Variants in DLGAP2 observed in about 807,000 individuals in gnomAD.
DLGAP2 encodes the protein DLG associated protein 2.
DLGAP2 carries 26 observed loss-of-function variants against 100.3 expected under a neutral mutation model. The observed-to-expected ratio is 0.26, with a 90% CI of 0.19 to 0.36. The LOEUF is 0.36. Among genes scored for constraint, DLGAP2 ranks in the 10% least tolerant of loss-of-function variants. DLGAP2 has a pLI of 1.00. For synonymous variants in DLGAP2, 886 were observed against 630.1 expected, an observed-to-expected ratio of 1.41 and a Z score of -6.08; for missense variants, 1,858 against 1,453.2, an observed-to-expected ratio of 1.28 and a Z score of -4.53.
chr8:814,637 G>T (rs1796429891), intron 1 of DLGAP2, among the ~76,000 whole-genome samples: 1 of 151,822 alleles, frequency 6.6e-6, no homozygotes, highest in African/African-American at 2.4e-5. Flanking sequence ...CACGAGGTCA[G>T]GAGATTGAGA....
chr8:930,605 G>A (rs566135292), intron 2 of DLGAP2, among the ~76,000 whole-genome samples: 1 of 152,242 alleles, frequency 6.6e-6, no homozygotes, highest in Non-Finnish European at 1.5e-5. Context: ...GATGCAGAGA[G>A]GGCAGGTGCG....
chr8:849,008 G>A (rs2128987230), intron 1 of DLGAP2, among the ~76,000 whole-genome samples: 1 of 152,132 alleles, frequency 6.6e-6, no homozygotes, highest in South Asian at 2.1e-4. Context: ...ATCGTGAGGT[G>A]CCTGTTCCAG....
chr8:1,007,977 G>A (rs1430141830), intron 2 of DLGAP2, among the ~76,000 whole-genome samples: 1 of 152,166 alleles, frequency 6.6e-6, no homozygotes, highest in Non-Finnish European at 1.5e-5. Context: ...TAAAGAAGGG[G>A]ATGTGTTCTT....
At chr8:1,630,365 G>C (rs577184317) in intron 7 of DLGAP2, among the ~76,000 whole-genome samples, 1 of 152,132 alleles carries the variant, frequency 6.6e-6, no homozygotes, top group Non-Finnish European at 1.5e-5. Context: ...ACACTTAGGG[G>C]CTCTGGAGAG....
chr8:999,176 C>A (rs1020929577), intron 2 of DLGAP2, among the ~76,000 whole-genome samples: 1 of 151,856 alleles, frequency 6.6e-6, no homozygotes, highest in Non-Finnish European at 1.5e-5. Flanking sequence ...GTGCACCTGT[C>A]CAGTCCCCTC....
At chr8:1,321,553 T>C (rs945764700) in intron 3 of DLGAP2, among the ~76,000 whole-genome samples, 2 of 152,280 alleles carry the variant, frequency 1.3e-5, no homozygotes, top group African/African-American at 4.8e-5. Context: ...TTCTAAGTCC[T>C]GAGCTGACTT....
intron 8 of DLGAP2, among the ~76,000 whole-genome samples, chr8:1,647,279 G>A (rs1478502657): frequency 6.6e-6 from 1 of 151,914 alleles, no homozygotes; most frequent in Admixed American, 6.6e-5. Flanking sequence ...GGGATAAAAA[G>A]TGTGTCTTTA....
At chr8:1,379,408 A>T (rs1186095550) in intron 3 of DLGAP2, among the ~76,000 whole-genome samples, 1 of 152,220 alleles carries the variant, frequency 6.6e-6, no homozygotes, top group Non-Finnish European at 1.5e-5. Context: ...AGGTGGAGAA[A>T]CGGGCAGGGA....
At chr8:1,676,141 G>A (rs957905537) in intron 10 of DLGAP2, among the ~76,000 whole-genome samples, 9 of 152,046 alleles carry the variant, frequency 5.9e-5, no homozygotes, top group African/African-American at 1.9e-4. Context: ...CTTTTAAATC[G>A]CTTATTTGTT....
At chr8:1,287,492 G>GTA (rs1799954973) in intron 3 of DLGAP2, among the ~76,000 whole-genome samples, 1 of 42,690 alleles carries the variant, frequency 2.3e-5, no homozygotes, top group Non-Finnish European at 4.1e-5. Flanking sequence ...GTGTGTGTGT[G>GTA]TGTGGTTCTG....
intron 2 of DLGAP2, among the ~76,000 whole-genome samples, chr8:1,172,646 G>A (rs1200743307): frequency 3.3e-5 from 5 of 151,644 alleles, no homozygotes; most frequent in South Asian, 2.1e-4. Context: ...ATCTTCCATC[G>A]CTGATACCCT....
In DLGAP2 at chr8:849,897, C is replaced by G. The variant is rs576446559; in HGVS notation, c.19-58015C>G. Among the ~76,000 whole-genome samples the G allele has an allele frequency of 8.5e-5, 13 of 152,202 alleles. No homozygotes were observed. The South Asian group carries it at 1.2e-3, about 15-fold the overall frequency. On this transcript the variant is annotated intron_variant, in intron 1 of 14. Coordinates refer to ENST00000637795, the MANE Select transcript of DLGAP2 (RefSeq NM_001346810.2). ...TGGCCAACATGGTGAAACCCCATCT[C>G]TACTAAAAATACAAACATTAGCTGG...
At chr8:1,429,814 T>G (rs945179891) in intron 3 of DLGAP2, among the ~76,000 whole-genome samples, 2 of 150,908 alleles carry the variant, frequency 1.3e-5, no homozygotes, top group East Asian at 3.9e-4. Flanking sequence ...GCAGGGTTTT[T>G]CTGTCCTTAA....
chr8:1,188,481 G>A (rs1000930488), intron 2 of DLGAP2, among the ~76,000 whole-genome samples: 1 of 133,844 alleles, frequency 7.5e-6, no homozygotes, highest in Non-Finnish European at 1.5e-5. Flanking sequence ...CGGGACTTCC[G>A]TGACGTTTCC....
chr8:812,101 A>T (rs866480829), intron 1 of DLGAP2, among the ~76,000 whole-genome samples: 7 of 152,196 alleles, frequency 4.6e-5, no homozygotes, highest in Non-Finnish European at 7.3e-5. Flanking sequence ...TCTCTGCAAG[A>T]GGGAGGGAAG....
chr8:750,748 T>A (rs1820768917), intron 1 of DLGAP2, among the ~76,000 whole-genome samples: 1 of 152,250 alleles, frequency 6.6e-6, no homozygotes, highest in African/African-American at 2.4e-5. Flanking sequence ...GTCTGCAGTG[T>A]TTCAGGCTGA....
intron 2 of DLGAP2, among the ~76,000 whole-genome samples, chr8:1,189,481 C>A (rs555280211): frequency 6.6e-6 from 1 of 152,148 alleles, no homozygotes; most frequent in African/African-American, 2.4e-5. Flanking sequence ...CTTCTTTTAT[C>A]CACTCAAGCA....
intron 3 of DLGAP2, among the ~76,000 whole-genome samples, chr8:1,463,522 T>C (rs1417783707): frequency 6.6e-6 from 1 of 152,236 alleles, no homozygotes; most frequent in Non-Finnish European, 1.5e-5. Flanking sequence ...CTCAGGGTCC[T>C]GTTCCCAGGA....
intron 3 of DLGAP2, among the ~76,000 whole-genome samples, chr8:1,338,198 A>T (rs1801332854): frequency 1.3e-5 from 2 of 152,252 alleles, no homozygotes; most frequent in South Asian, 2.1e-4. Flanking sequence ...TCCCAGAGAA[A>T]TGAAGACGTA....
Sources: gnomAD v4.1 joint callset for allele counts (sites outside exome capture counted in the v4.1 genomes callset) on GRCh38, gnomAD v4.1.1 for gene constraint, MANE v1.5 for transcripts, NCBI Gene and HGNC (gene_info 2026-07-23, HGNC 2026-07-21) for gene names.